STAU2: variants seen among roughly 807,000 people sequenced by gnomAD.
The protein encoded by STAU2 is staufen double-stranded RNA binding protein 2, also known as double-stranded RNA-binding protein Staufen homolog 2.
In STAU2, 20 loss-of-function variants were observed where a neutral mutation model predicts 65.9. The observed-to-expected ratio is 0.30, with a 90% confidence interval of 0.21 to 0.44. The LOEUF is 0.44. Ranked by LOEUF, STAU2 falls within the 20% of genes least tolerant of loss-of-function variation. STAU2 has a pLI of 1.00. For synonymous variants in STAU2, 232 were observed against 233.9 expected, an observed-to-expected ratio of 0.99 and a Z score of 0.07; for missense variants, 558 against 683.9, an observed-to-expected ratio of 0.82 and a Z score of 2.05.
intron 13 of STAU2, chr8:73,527,698 T>C (rs572469683): frequency 1.3e-6 from 2 of 1,536,570 alleles, no homozygotes; most frequent in East Asian, 4.9e-5. Flanking sequence ...TACCTGATCA[T>C]GGCTGGCTTC....
chr8:73,687,371 T>TTATATA (rs1240236643), intron 5 of STAU2, among the ~76,000 whole-genome samples: 1 of 121,634 alleles, frequency 8.2e-6, no homozygotes, highest in Non-Finnish European at 1.6e-5. Flanking sequence ...TAAATATAAT[T>TTATATA]TATAATTTAT....
At chr8:73,661,678 A>C (rs1411961684) in intron 6 of STAU2, among the ~76,000 whole-genome samples, 1 of 152,126 alleles carries the variant, frequency 6.6e-6, no homozygotes, top group African/African-American at 2.4e-5. Flanking sequence ...ATTCCACAAA[A>C]ATAGAATCTT....
chr8:73,649,119 T>G (rs924032238), intron 6 of STAU2, among the ~76,000 whole-genome samples: 1 of 152,192 alleles, frequency 6.6e-6, no homozygotes, highest in South Asian at 2.1e-4. Flanking sequence ...ATGAAGCTAA[T>G]ATGTAGTTTC....
intron 6 of STAU2, among the ~76,000 whole-genome samples, chr8:73,639,527 C>T (rs899069062): frequency 3.9e-5 from 6 of 152,078 alleles, no homozygotes; most frequent in African/African-American, 1.2e-4. Flanking sequence ...TAGTAAGGTG[C>T]TAATGAGCCG....
intron 6 of STAU2, among the ~76,000 whole-genome samples, chr8:73,656,414 G>T (rs1291612663): frequency 6.6e-6 from 1 of 152,234 alleles, no homozygotes; most frequent in African/African-American, 2.4e-5. Context: ...CTGAAAGCAA[G>T]TAACCAGAAA....
At chr8:73,704,905 A>T (rs1173094959) in intron 4 of STAU2, among the ~76,000 whole-genome samples, 2 of 152,082 alleles carry the variant, frequency 1.3e-5, no homozygotes, top group Non-Finnish European at 2.9e-5. Context: ...CTGATCTCAT[A>T]ATCTGCCCAC....
chr8:73,453,228 AAAAG>A (rs1818893483), intron 13 of STAU2, among the ~76,000 whole-genome samples: 1 of 152,242 alleles, frequency 6.6e-6, no homozygotes, highest in Non-Finnish European at 1.5e-5. Flanking sequence ...AGAAACAAAC[AAAAG>A]AAACACCTGT....
At chr8:73,546,220 G>A (rs4237010) in intron 13 of STAU2, among the ~76,000 whole-genome samples, 14,813 of 144,388 alleles carry the variant, frequency 0.1, 1,255 homozygotes, top group African/African-American at 0.22. Context: ...GGCTGCCTTG[G>A]CCTCCCAAAG....
intron 3 of STAU2, among the ~76,000 whole-genome samples, chr8:73,713,179 T>C (rs1821015281): frequency 1.3e-5 from 2 of 152,232 alleles, no homozygotes; most frequent in Non-Finnish European, 2.9e-5. Context: ...ATATTTATAA[T>C]AACAGTATTT....
At chr8:73,569,877 T>A (rs532512495) in intron 12 of STAU2, among the ~76,000 whole-genome samples, 1 of 152,280 alleles carries the variant, frequency 6.6e-6, no homozygotes, top group East Asian at 1.9e-4. Context: ...GCAGGAAAGC[T>A]GAAAATTCTA....
At chr8:73,499,196 C>A (rs1821600169) in intron 13 of STAU2, among the ~76,000 whole-genome samples, 1 of 151,814 alleles carries the variant, frequency 6.6e-6, no homozygotes, top group Non-Finnish European at 1.5e-5. Context: ...CAATCATGTG[C>A]ACCAATTATT....
chr8:73,549,452 C>G (rs921608674), intron 13 of STAU2: 1 of 179,022 alleles, frequency 5.6e-6, no homozygotes, highest in Non-Finnish European at 1.1e-5. Flanking sequence ...TTATTAATAA[C>G]TTTAATTGTA....
At chr8:73,456,802 G>A (rs1819096234) in intron 13 of STAU2, among the ~76,000 whole-genome samples, 1 of 152,122 alleles carries the variant, frequency 6.6e-6, no homozygotes, top group Non-Finnish European at 1.5e-5. Flanking sequence ...ACACATTTGG[G>A]CATCTATTTA....
intron 7 of STAU2, among the ~76,000 whole-genome samples, chr8:73,617,028 G>A (rs1812876569): frequency 1.3e-5 from 2 of 152,080 alleles, no homozygotes; most frequent in Non-Finnish European, 2.9e-5. Context: ...AATAAACATA[G>A]TATGAAATAT....
chr8:73,554,708 G>A (rs2128944960), intron 12 of STAU2, among the ~76,000 whole-genome samples: 1 of 152,264 alleles, frequency 6.6e-6, no homozygotes, highest in Non-Finnish European at 1.5e-5. Flanking sequence ...GTGTTCCAGG[G>A]CTTCCTATTC....
intron 13 of STAU2, among the ~76,000 whole-genome samples, chr8:73,468,353 T>C (rs1187727875): frequency 6.6e-6 from 1 of 152,142 alleles, no homozygotes; most frequent in African/African-American, 2.4e-5. Flanking sequence ...ATAAAAACCC[T>C]AGAAGAAAAC....
intron 13 of STAU2, chr8:73,550,263 T>A: frequency 1.0e-6 from 1 of 985,300 alleles, no homozygotes; most frequent in Non-Finnish European, 1.2e-6. Context: ...GCATAAGCTT[T>A]TTAAAAAGGC....
intron 13 of STAU2, among the ~76,000 whole-genome samples, chr8:73,510,258 T>C (rs902147295): frequency 6.6e-6 from 1 of 151,928 alleles, no homozygotes; most frequent in Admixed American, 6.6e-5. Flanking sequence ...TAAGTAGAGA[T>C]GGGGTTTCTC....
intron 3 of STAU2, among the ~76,000 whole-genome samples, chr8:73,715,463 A>AAAG (rs1554570419): frequency 6.7e-6 from 1 of 148,224 alleles, no homozygotes; most frequent in African/African-American, 2.5e-5. Context: ...AAAAAAAAAA[A>AAAG]AAAGAAAGAA....
Sources: allele counts gnomAD v4.1 joint callset (sites outside exome capture counted in the v4.1 genomes callset), GRCh38; gene constraint gnomAD v4.1.1; transcripts MANE v1.5; gene names NCBI Gene and HGNC (gene_info 2026-07-23, HGNC 2026-07-21).